Variants in TRAPPC9 observed in about 807,000 individuals in gnomAD.
TRAPPC9 encodes trafficking protein particle complex subunit 9.
A neutral mutation model predicts 124.0 loss-of-function variants in TRAPPC9; 83 were observed. That is an observed-to-expected ratio of 0.67 (90% CI 0.56 to 0.80). TRAPPC9 has a LOEUF of 0.80. Among genes scored for constraint, TRAPPC9 ranks in the 30% least tolerant of loss-of-function variants. The pLI is 0.00. For missense variants in TRAPPC9, 1,302 were observed against 1,508.3 expected, an observed-to-expected ratio of 0.86 and a Z score of 2.27; for synonymous variants, 638 against 617.5, an observed-to-expected ratio of 1.03 and a Z score of -0.49.
At chr8:139,941,318 T>G (rs1479779269) in intron 19 of TRAPPC9, among the ~76,000 whole-genome samples, 1 of 152,104 alleles carries the variant, frequency 6.6e-6, no homozygotes, top group African/African-American at 2.4e-5. Context: ...CAGAAGTAGT[T>G]TGTCCACTTC....
chr8:140,166,552 T>G (rs1211123787), intron 17 of TRAPPC9, among the ~76,000 whole-genome samples: 2 of 152,112 alleles, frequency 1.3e-5, no homozygotes. Context: ...AGGGAAGGCA[T>G]GAGTATCATG....
At chr8:139,957,255 G>T (rs886667903) in intron 19 of TRAPPC9, among the ~76,000 whole-genome samples, 1 of 152,228 alleles carries the variant, frequency 6.6e-6, no homozygotes, top group Non-Finnish European at 1.5e-5. Flanking sequence ...AGGGAGGGCC[G>T]CGTACCTGCC....
At chr8:139,961,767 T>A (rs1365594775) in intron 19 of TRAPPC9, among the ~76,000 whole-genome samples, 1 of 123,490 alleles carries the variant, frequency 8.1e-6, no homozygotes, top group Non-Finnish European at 1.9e-5. Flanking sequence ...TGCTGCCTCT[T>A]CTGGACCCAC....
intron 6 of TRAPPC9, among the ~76,000 whole-genome samples, chr8:140,403,710 T>C (rs759407785): frequency 3.5e-4 from 53 of 151,546 alleles, no homozygotes; most frequent in Non-Finnish European, 1.6e-4. Context: ...TAAGCTGCAG[T>C]GCAGTGGTGT....
At chr8:139,926,618 A>C (rs959054536) in intron 19 of TRAPPC9, among the ~76,000 whole-genome samples, 6 of 151,614 alleles carry the variant, frequency 4.0e-5, no homozygotes, top group African/African-American at 1.5e-4. Flanking sequence ...AAAAAAAAAA[A>C]AAAAACTCCT....
At chr8:139,833,969 C>T (rs1826160486) in intron 21 of TRAPPC9, among the ~76,000 whole-genome samples, 1 of 152,182 alleles carries the variant, frequency 6.6e-6, no homozygotes. Flanking sequence ...GCAGGCTTTC[C>T]TGTGGCATGA....
intron 5 of TRAPPC9, among the ~76,000 whole-genome samples, chr8:140,408,298 G>GA (rs940144309): frequency 2.0e-5 from 3 of 152,042 alleles, no homozygotes; most frequent in Non-Finnish European, 4.4e-5. Context: ...GGGGAAGGTT[G>GA]AAAAAGGCAC....
intron 13 of TRAPPC9, 117 bp from the exon 14 acceptor site, chr8:140,284,138 G>T: frequency 7.1e-7 from 1 of 1,402,514 alleles, no homozygotes; most frequent in South Asian, 1.2e-5. Context: ...TTCCGAAGCT[G>T]CCCGGGGCCC....
chr8:139,997,928 G>C (rs112781904), intron 18 of TRAPPC9, among the ~76,000 whole-genome samples: 1 of 140,464 alleles, frequency 7.1e-6, no homozygotes, highest in Non-Finnish European at 1.5e-5. Flanking sequence ...CCCACACAGG[G>C]GATACAATGC....
chr8:139,925,747 T>TA (rs745528003), intron 19 of TRAPPC9, among the ~76,000 whole-genome samples: 4,110 of 124,892 alleles, frequency 0.033, 182 homozygotes, highest in African/African-American at 0.11. Context: ...GACTCCATCT[T>TA]AAAAAAAAAA....
chr8:139,732,710 A>T (rs1250428143), intron 21 of TRAPPC9, among the ~76,000 whole-genome samples: 1 of 152,206 alleles, frequency 6.6e-6, no homozygotes, highest in Non-Finnish European at 1.5e-5. Flanking sequence ...AGGAATGCAC[A>T]GTGGGCTCCA....
rs1024178870 is a variant in TRAPPC9 at position 139,742,556 on chromosome 8, C to T, written c.3056-10354G>A. On this transcript the variant is annotated intron_variant, in intron 21 of 22. Transcript: ENST00000438773. This position sits in a 1 kb window ranked among gnomAD's most constrained non-coding sequence, Gnocchi z 4.7. ...CAGGGACCAGGCAAGTCAGGGGCCA[C>T]CAGAGAGGGTCAGGACCCAAACTTT... 3.9e-5 allele frequency among the ~76,000 whole-genome samples: 6 copies of T among 152,176 alleles called. No individual in the cohort carries two copies.
chr8:139,898,565 A>C (rs762321899), intron 20 of TRAPPC9, among the ~76,000 whole-genome samples: 6 of 152,100 alleles, frequency 3.9e-5, no homozygotes, highest in Non-Finnish European at 5.9e-5. Flanking sequence ...CTGGCACTGG[A>C]GGAAGCCACG....
intron 17 of TRAPPC9, among the ~76,000 whole-genome samples, chr8:140,148,605 A>G (rs1294858138): frequency 1.3e-5 from 2 of 152,132 alleles, no homozygotes; most frequent in African/African-American, 4.8e-5. Context: ...GTCCCAACAC[A>G]TCTCAGTGAA....
intron 17 of TRAPPC9, among the ~76,000 whole-genome samples, chr8:140,025,414 C>T (rs1252212053): frequency 6.6e-6 from 1 of 152,090 alleles, no homozygotes; most frequent in Non-Finnish European, 1.5e-5. Flanking sequence ...CAACAGAGAC[C>T]ATATGCGGCT....
chr8:139,829,389 T>C (rs1825831198), intron 21 of TRAPPC9, among the ~76,000 whole-genome samples: 1 of 152,236 alleles, frequency 6.6e-6, no homozygotes. Flanking sequence ...AAAGCAGTAG[T>C]CTCTGTCTTA....
intron 21 of TRAPPC9, among the ~76,000 whole-genome samples, chr8:139,749,423 T>C (rs1364146841): frequency 6.6e-6 from 1 of 152,184 alleles, no homozygotes; most frequent in Non-Finnish European, 1.5e-5. Context: ...GCGTCCCCAT[T>C]GTCACATGAG....
Position 140,359,313 on chromosome 8 carries a change from G to A in TRAPPC9, c.1495+737C>T, listed in dbSNP as rs552641060. Among the ~76,000 whole-genome samples, 14 of 152,186 alleles carry A rather than the reference G, an allele frequency of 9.2e-5. No individual in the cohort carries two copies. The East Asian group carries it at 2.5e-3, about 27-fold the overall frequency. ...AGAACCCAGCTGGCACCACACACTG[G>A]GCCAGGGCCAGGGGTACAAGGAGGA... On this transcript the variant is annotated intron_variant, in intron 9 of 22. Transcript: ENST00000438773.
At chr8:140,039,510 T>C (rs987661614) in intron 17 of TRAPPC9, among the ~76,000 whole-genome samples, 8 of 152,232 alleles carry the variant, frequency 5.3e-5, no homozygotes, top group African/African-American at 1.9e-4. Flanking sequence ...AAACACTGAA[T>C]GATTTAATGT....
Sources: gnomAD v4.1 joint callset for allele counts (sites outside exome capture counted in the v4.1 genomes callset) on GRCh38, gnomAD v4.1.1 for gene constraint, Gnocchi (gnomAD v3.1) non-coding constraint, MANE v1.5 for transcripts, NCBI Gene and HGNC (gene_info 2026-07-23, HGNC 2026-07-21) for gene names.